The following NRXN1 variants were observed in gnomAD, a reference collection of about 807,000 sequenced individuals.
The protein encoded by NRXN1 is neurexin 1, also known as neurexin-1.
NRXN1 carries 39 observed loss-of-function variants against 150.9 expected under a neutral mutation model. The ratio of observed to expected loss-of-function variants is 0.26; its 90% CI spans 0.20 to 0.34. NRXN1 has a LOEUF of 0.34. Among genes scored for constraint, NRXN1 ranks in the 10% least tolerant of loss-of-function variants. The pLI, the probability that NRXN1 is intolerant of heterozygous loss-of-function variation, is 1.00. For synonymous variants in NRXN1, 924 were observed against 757.0 expected, an observed-to-expected ratio of 1.22 and a Z score of -3.62; for missense variants, 1,815 against 1,949.9, an observed-to-expected ratio of 0.93 and a Z score of 1.30.
rs533818681 is a variant in NRXN1 at position 50,342,910 on chromosome 2, G to GA, written c.3365-105941dup. On this transcript the variant is annotated intron_variant, in intron 17 of 22. Coordinates refer to ENST00000401669, the MANE Select transcript of NRXN1 (RefSeq NM_001330078.2). Reference sequence around the variant, plus strand: ...ATGGTATGCCTCAGTATCCCTACAGGAAAATCACATTCAAACTCACTCTGA... The same window carrying GA: ...ATGGTATGCCTCAGTATCCCTACAGGAAAAATCACATTCAAACTCACTCTGA... Among the ~76,000 whole-genome samples the GA allele has an allele frequency of 7.2e-5, 11 of 152,270 alleles. No individual in the cohort carries two copies. The East Asian group carries it at 9.7e-4, about 13-fold the overall frequency.
chr2:50,893,837 G>C (rs376353134), intron 5 of NRXN1, among the ~76,000 whole-genome samples: 31 of 152,222 alleles, frequency 2.0e-4, no homozygotes, highest in African/African-American at 7.5e-4. Context: ...CCACCTATGA[G>C]TGAGAATATG....
At chr2:50,192,731 T>C (rs560678757) in intron 18 of NRXN1, among the ~76,000 whole-genome samples, 20 of 152,194 alleles carry the variant, frequency 1.3e-4, no homozygotes, top group African/African-American at 4.8e-4. Flanking sequence ...CTCAGCCTCC[T>C]GAGTAGCTGG....
At chr2:50,247,530 G>A (rs2066622138) in intron 17 of NRXN1, among the ~76,000 whole-genome samples, 1 of 151,968 alleles carries the variant, frequency 6.6e-6, no homozygotes, top group Admixed American at 6.6e-5. Context: ...TGCTATTTTT[G>A]GCAAAAATTC....
chr2:50,061,921 A>C (rs931699250), intron 19 of NRXN1, among the ~76,000 whole-genome samples: 11 of 152,212 alleles, frequency 7.2e-5, no homozygotes, highest in African/African-American at 2.7e-4. Context: ...AATTTCAAAA[A>C]GAATTAAGTA....
At chr2:51,012,546 G>T (rs1034913775) in intron 2 of NRXN1, among the ~76,000 whole-genome samples, 1 of 151,916 alleles carries the variant, frequency 6.6e-6, no homozygotes, top group African/African-American at 2.4e-5. Flanking sequence ...AGTTTTATTC[G>T]TATTTGGATG....
chr2:50,859,869 A>G (rs144669750), intron 5 of NRXN1, among the ~76,000 whole-genome samples: 6 of 146,004 alleles, frequency 4.1e-5, no homozygotes, highest in African/African-American at 1.7e-4. Context: ...TGTGTGTGCA[A>G]AATACCCAGA....
rs182985380 is a variant in NRXN1, at chr2:50,257,121, T to A, written c.3365-20151A>T. ...AGAAGCTATTATTATCTCCATTTTA[T>A]GGATTTAAAAGAGATTAATATTCAA... On this transcript the variant is annotated intron_variant, in intron 17 of 22. Coordinates refer to ENST00000401669, the MANE Select transcript of NRXN1 (RefSeq NM_001330078.2). Among the ~76,000 whole-genome samples, 7 of 152,246 alleles carry A rather than the reference T, an allele frequency of 4.6e-5. No individual in the cohort carries two copies. The East Asian group carries it at 1.3e-3, about 29-fold the overall frequency.
At chr2:50,310,897 G>T (rs1367262629) in intron 17 of NRXN1, among the ~76,000 whole-genome samples, 1 of 152,072 alleles carries the variant, frequency 6.6e-6, no homozygotes, top group Non-Finnish European at 1.5e-5. Flanking sequence ...AATAATGGAT[G>T]ATCTTTTTCA....
At chr2:49,976,712 A>G (rs1194610201) in intron 21 of NRXN1, among the ~76,000 whole-genome samples, 1 of 152,182 alleles carries the variant, frequency 6.6e-6, no homozygotes, top group Non-Finnish European at 1.5e-5. Context: ...TCTCATATCA[A>G]CTTGAAGTTC....
chr2:50,472,076 A>G (rs1405738228), intron 16 of NRXN1, among the ~76,000 whole-genome samples: 1 of 151,548 alleles, frequency 6.6e-6, no homozygotes, highest in Non-Finnish European at 1.5e-5. Flanking sequence ...ACCAAGATCC[A>G]TAGATATACC....
intron 18 of NRXN1, among the ~76,000 whole-genome samples, chr2:50,122,403 G>C (rs528983047): frequency 6.6e-6 from 1 of 152,326 alleles, no homozygotes; most frequent in South Asian, 2.1e-4. Flanking sequence ...CTTAACCCTT[G>C]ACTACTCTAA....
At chr2:50,225,967 G>A (rs1196970406) in intron 18 of NRXN1, among the ~76,000 whole-genome samples, 1 of 151,996 alleles carries the variant, frequency 6.6e-6, no homozygotes, top group African/African-American at 2.4e-5. Flanking sequence ...GGGTAGGGTT[G>A]TTTGACTTCA....
At chr2:50,719,645 C>T (rs1303468411) in intron 5 of NRXN1, among the ~76,000 whole-genome samples, 1 of 152,062 alleles carries the variant, frequency 6.6e-6, no homozygotes, top group Non-Finnish European at 1.5e-5. Context: ...CATTGCACTC[C>T]AGCCCAGGCG....
intron 5 of NRXN1, among the ~76,000 whole-genome samples, chr2:50,882,833 T>C (rs1172550311): frequency 6.6e-6 from 1 of 151,904 alleles, no homozygotes; most frequent in Non-Finnish European, 1.5e-5. Context: ...TGTATCATTT[T>C]TCTGTAACAG....
intron 5 of NRXN1, among the ~76,000 whole-genome samples, chr2:50,808,679 C>A (rs1314384635): frequency 6.6e-6 from 1 of 152,022 alleles, no homozygotes; most frequent in African/African-American, 2.4e-5. Context: ...AATACTTGGC[C>A]TCTGATAATT....
intron 18 of NRXN1, among the ~76,000 whole-genome samples, chr2:50,197,124 CA>C (rs1191575691): frequency 1.3e-5 from 2 of 152,046 alleles, no homozygotes; most frequent in Non-Finnish European, 2.9e-5. Context: ...AACTTTTTTT[CA>C]GAAAATTATA....
chr2:50,991,826 T>G (rs989220350), intron 2 of NRXN1, among the ~76,000 whole-genome samples: 4 of 152,052 alleles, frequency 2.6e-5, no homozygotes, highest in Non-Finnish European at 5.9e-5. Context: ...TACAAGCTTT[T>G]TATTGTTAAC....
At chr2:50,718,699 G>C (rs956753434) in intron 5 of NRXN1, among the ~76,000 whole-genome samples, 7 of 152,064 alleles carry the variant, frequency 4.6e-5, no homozygotes, top group African/African-American at 1.4e-4. Context: ...CAAGCCCTTT[G>C]TATGTGTATA....
intron 18 of NRXN1, among the ~76,000 whole-genome samples, chr2:50,160,472 T>C (rs2059296719): frequency 6.6e-6 from 1 of 151,352 alleles, no homozygotes; most frequent in Non-Finnish European, 1.5e-5. Flanking sequence ...ACCCAGGAGG[T>C]GGAAGTTGCA....
Sources: gnomAD v4.1 joint callset for allele counts (sites outside exome capture counted in the v4.1 genomes callset) on GRCh38, gnomAD v4.1.1 for gene constraint, MANE v1.5 for transcripts, NCBI Gene and HGNC (gene_info 2026-07-23, HGNC 2026-07-21) for gene names.